RPAP1: variants seen among roughly 807,000 people sequenced by gnomAD.
The protein encoded by RPAP1 is RNA polymerase II-associated protein 1.
In RPAP1, 109 loss-of-function variants were observed where a neutral mutation model predicts 142.4. That is an observed-to-expected ratio of 0.77 (90% confidence interval 0.66 to 0.90). RPAP1 has a LOEUF of 0.90. Ranked by LOEUF, RPAP1 falls within the 40% of genes least tolerant of loss-of-function variation. RPAP1 has a pLI of 0.00. For missense variants in RPAP1, 1,546 were observed against 1,751.7 expected, an observed-to-expected ratio of 0.88 and a Z score of 2.10; for synonymous variants, 704 against 738.9, an observed-to-expected ratio of 0.95 and a Z score of 0.77.
At chr15:41,529,333 C>CA in intron 9 of RPAP1, 137 bp downstream of exon 9, 1 of 635,896 alleles carries the variant, frequency 1.6e-6, no homozygotes, top group Non-Finnish European at 2.8e-6. Flanking sequence ...ATTCTGTCTC[C>CA]AAAAAAAGAA....
Position 41,518,047 on chromosome 15 carries a change from G to A in RPAP1, c.3931C>T (p.His1311Tyr), listed in dbSNP as rs2051683430. The A allele has an allele frequency of 1.2e-6, 2 of 1,614,022 alleles. No homozygotes were observed. The highest frequency in any genetic ancestry group is 1.7e-6 in the Non-Finnish European group (2 of 1,179,982). ...TGAGAGAAGATGAAGCTATTGACAT[G>A]AGCCACAGCCACAGCATAGAGCACG... is the stretch of plus-strand genomic sequence containing the variant. The part of the protein sequence containing the change: ...CPVLYAVAVA[H>Y]VNSFIFSQDP... The change falls in exon 23 of 25, where the codon CAT becomes TAT. Residue 1311 changes from histidine to tyrosine, a missense_variant. This residue lies in a region of RPAP1 where 210 missense variants were observed against 248.0 expected (regional missense o/e 0.85). Transcript: ENST00000304330.
At position 41,523,804 on chromosome 15, in the gene RPAP1, G is replaced by T. The variant is rs902170600; in HGVS notation, c.2403C>A (p.Phe801Leu). The T allele has an allele frequency of 1.2e-6, 2 of 1,607,690 alleles. No homozygotes were observed. Among genetic ancestry groups the T allele is most frequent in the African/African-American group, 2.7e-5 (2 of 74,786 alleles). ...TCCAGGCCTGGTAGTAGGCTCCCAG[G>T]AACAACAGGCAGGCAACGGGCACTG... ...VGPVPVACLL[F>L]LGAYYQAWSQ... The change falls in exon 17 of 25, where the codon TTC becomes TTA. Residue 801 changes from phenylalanine to leucine, a missense_variant. This residue lies in a region of RPAP1 where 1,333 missense variants were observed against 1,486.6 expected (regional missense o/e 0.90). Transcript: ENST00000304330.
intron 9 of RPAP1, 113 bp from the exon 10 acceptor site, chr15:41,528,449 T>G: frequency 1.4e-6 from 1 of 734,318 alleles, no homozygotes; most frequent in Non-Finnish European, 2.3e-6. Context: ...CTGCCCTGCT[T>G]TCCATGGAGC....
Position 41,517,546 on chromosome 15 carries a change from G to A in RPAP1, c.4178C>T (p.Thr1393Ile). The A allele has an allele frequency of 6.4e-7, 1 of 1,559,176 alleles. No homozygotes were observed. Among genetic ancestry groups the A allele is most frequent in the Non-Finnish European group, 8.7e-7 (1 of 1,153,530 alleles). The change falls in exon 25 of 25, where the codon ACC (threonine) becomes ATC (isoleucine). Residue 1393 changes from threonine (T) to isoleucine (I), a missense_variant. Around this residue, in one of 3 missense-constraint regions of RPAP1, gnomAD observed 210 missense variants for 248.0 expected, o/e 0.85. Transcript: ENST00000304330. ...STVLQNGVSET is the reference protein window; with the variant it reads ...STVLQNGVSEI ...TTTCCATCTATATCAACTATCCTAG[G>A]TCTCTGATACCCCATTTTGGAGCAC...
chr15:41,521,095 A>ACGACAGCTGGTCAGAGAAGT lies in RPAP1; in HGVS notation c.3071_3090dup (p.Leu1031ThrfsTer8), dbSNP rs2051722380. The ACGACAGCTGGTCAGAGAAGT allele has an allele frequency of 1.3e-6, 2 of 1,523,096 alleles. No homozygotes were observed. The highest frequency in any genetic ancestry group is 1.4e-5 in the African/African-American group (1 of 72,036). The allele number at this position is 1,523,096 out of a possible 1,614,324, so 94.3% of individuals were successfully genotyped here. ...CACCGAGGGACCCTGCTGCTTCCTA[A>ACGACAGCTGGTCAGAGAAGT]CGACAGCTGGTCAGAGAAGTCGGCT... On this transcript the variant is annotated frameshift_variant, in exon 22 of 25. Transcript: ENST00000304330. LOFTEE classifies it high-confidence loss of function.
In RPAP1 at chr15:41,520,429, C is replaced by T. The variant is rs143725774; in HGVS notation, c.3757G>A (p.Val1253Met). ...AGGCTCAGAGCTCGCAAGGCTCCCA[C>T]GTGTTCCCCAAAGAGGGCAAGGCGC... ...TLRLALFGEHVGALRALSLPL... is the reference protein window; with the variant it reads ...TLRLALFGEHMGALRALSLPL... Residue 1253 changes from valine to methionine, a missense_variant, in exon 22 of 25, where the codon GTG becomes ATG. By Grantham distance (21) the Val-to-Met change is conservative (BLOSUM62 1). Coordinates refer to ENST00000304330, the MANE Select transcript of RPAP1 (RefSeq NM_015540.4). 1.7e-5 allele frequency: 28 copies of T among 1,613,728 alleles called. No individual in the cohort carries two copies. The highest frequency in any genetic ancestry group is 1.5e-4 in the African/African-American group (11 of 75,032).
chr15:41,527,091 G>A (rs2051799858), intron 13 of RPAP1, 23 bp from the exon 14 acceptor site: 2 of 1,612,190 alleles, frequency 1.2e-6, no homozygotes, highest in African/African-American at 2.7e-5. Flanking sequence ...GGAGGTAAAA[G>A]GGAGGAAGGG....
rs751992045 is a variant in RPAP1 at position 41,517,671 on chromosome 15, C to T, written c.4053G>A (p.Leu1351=). 5 of 1,612,552 alleles carry T rather than the reference C, an allele frequency of 3.1e-6. No homozygotes were observed. The highest frequency in any genetic ancestry group is 4.2e-6 in the Non-Finnish European group (5 of 1,179,066). Residue 1351 remains leucine (L), a synonymous_variant, in exon 25 of 25, where the codon CTG becomes CTA. Coordinates refer to ENST00000304330, the MANE Select transcript of RPAP1 (RefSeq NM_015540.4). The part of the protein sequence containing the change: ...LADEGLRQHL[L]HYKLPNSTLP... ...GCGTGGAATTGGGAAGCTTATAGTG[C>T]AGGAGGTGCTGCCGGAGACCCTGCA...
In RPAP1 at chr15:41,527,068, C is replaced by T; in HGVS notation, c.1747G>A (p.Val583Ile). Reference sequence around the variant, plus strand: ...TCTATCAGCCGAGGGCACTCCAGGACCTATGGGAGACAGGAGGTAAAAGGG... The same window carrying T: ...TCTATCAGCCGAGGGCACTCCAGGATCTATGGGAGACAGGAGGTAAAAGGG... ...ARHSLESATR[V>I]LECPRLIETI... The change falls in exon 14 of 25, where the codon GTC becomes ATC. Residue 583 changes from valine to isoleucine, a missense_variant and splice_region_variant. Transcript: ENST00000304330. 2 of 1,613,664 alleles carry T rather than the reference C, an allele frequency of 1.2e-6. No individual in the cohort carries two copies. The highest frequency in any genetic ancestry group is 1.7e-6 in the Non-Finnish European group (2 of 1,179,636).
chr15:41,539,504 G>C (rs2051949540), intron 1 of RPAP1, among the ~76,000 whole-genome samples: 1 of 151,854 alleles, frequency 6.6e-6, no homozygotes, highest in South Asian at 2.1e-4. Context: ...CACCATGTTG[G>C]TCAGGCTGAT....
Position 41,534,797 on chromosome 15 carries a change from A to T in RPAP1, c.680T>A (p.Ile227Asn). ...DQEAEQEAQT[I>N]HEENIARLQA... is the part of the protein sequence containing the mutation. ...CAGTCTTGCTATGTTCTCTTCATGG[A>T]TAGTCTGGGCTTCCTGCTCAGCTTC... The change falls in exon 6 of 25, where the codon ATC (isoleucine) becomes AAC (asparagine). Residue 227 changes from isoleucine (I) to asparagine (N), a missense_variant. This residue lies in a region of RPAP1 where 1,333 missense variants were observed against 1,486.6 expected (regional missense o/e 0.90). Coordinates refer to ENST00000304330, the MANE Select transcript of RPAP1 (RefSeq NM_015540.4). 6.2e-7 allele frequency: 1 copy of T among 1,613,912 alleles called. No individual in the cohort carries two copies.
Position 41,517,521 on chromosome 15 carries a change from T to C in RPAP1, c.*21A>G. The C allele has an allele frequency of 6.6e-7, 1 of 1,526,584 alleles. No individual in the cohort carries two copies. The highest frequency in any genetic ancestry group is 1.3e-5 in the South Asian group (1 of 77,586). 94.6% of individuals were successfully genotyped at this position (1,526,584 alleles called of 1,614,324 possible). On this transcript the variant is annotated 3_prime_UTR_variant, in exon 25 of 25. Transcript: ENST00000304330. ...CTGGATACAGGACAACGTACCCATC[T>C]TTCCATCTATATCAACTATCCTAGG...
chr15:41,541,644 G>A (rs1006127468), intron 1 of RPAP1, among the ~76,000 whole-genome samples: 1 of 152,140 alleles, frequency 6.6e-6, no homozygotes, highest in South Asian at 2.1e-4. Flanking sequence ...TCAGAAGATC[G>A]AGACCATCCT....
At chr15:41,521,277 C>G in intron 21 of RPAP1, 130 bp from the exon 22 acceptor site, 1 of 884,156 alleles carries the variant, frequency 1.1e-6, no homozygotes, top group Non-Finnish European at 1.7e-6. Context: ...AACTACTTCC[C>G]GCGCAGTGCT....
intron 6 of RPAP1, among the ~76,000 whole-genome samples, chr15:41,534,216 G>A (rs1367018457): frequency 3.3e-5 from 5 of 151,882 alleles, no homozygotes; most frequent in African/African-American, 9.7e-5. Flanking sequence ...TTGGGAGTTC[G>A]AGACCAGCCT....
intron 1 of RPAP1, among the ~76,000 whole-genome samples, chr15:41,540,831 C>A (rs112969411): frequency 6.6e-6 from 1 of 152,062 alleles, no homozygotes; most frequent in African/African-American, 2.4e-5. Flanking sequence ...TCCTGAAGAG[C>A]AAAGGCTGCA....
chr15:41,536,169 A>G lies in RPAP1; in HGVS notation c.380T>C (p.Val127Ala), dbSNP rs1474959975. 3.1e-6 allele frequency: 5 copies of G among 1,614,066 alleles called. No homozygotes were observed. Among genetic ancestry groups the G allele is most frequent in the African/African-American group, 1.3e-5 (1 of 74,926 alleles). Residue 127 changes from valine (V) to alanine (A), a missense_variant, in exon 4 of 25, where the codon GTT (valine) becomes GCT (alanine). Val to Ala is a moderately conservative substitution (Grantham distance 64, BLOSUM62 0). Around this residue, in one of 3 missense-constraint regions of RPAP1, gnomAD observed 1,333 missense variants for 1,486.6 expected, o/e 0.90. Transcript: ENST00000304330. ...GCGAAGGAACACAGCAGGGAAAGCAACACCACTGGGCACAGGCAGATTCAC... is the reference window on the plus strand; with the variant it reads ...GCGAAGGAACACAGCAGGGAAAGCAGCACCACTGGGCACAGGCAGATTCAC... ...VAVNLPVPSG[V>A]AFPAVFLRSR... is the part of the protein sequence containing the mutation.
In RPAP1 at chr15:41,520,684, C is replaced by T. The variant is rs1259315681; in HGVS notation, c.3502G>A (p.Glu1168Lys). Reference protein sequence around the residue: ...RLMCVFLVDSELFRESPVQHL... With the variant: ...RLMCVFLVDSKLFRESPVQHL... ...TGTACTGGGGACTCCCGGAACAGCT[C>T]ACTGTCCACCAGGAACACACACATG... Residue 1168 changes from glutamate to lysine, a missense_variant, in exon 22 of 25, where the codon GAG (glutamate) becomes AAG (lysine). This residue lies in a region of RPAP1 where 1,333 missense variants were observed against 1,486.6 expected (regional missense o/e 0.90). Coordinates refer to ENST00000304330, the MANE Select transcript of RPAP1 (RefSeq NM_015540.4). 6.8e-6 allele frequency: 11 copies of T among 1,614,024 alleles called. No homozygotes were observed. Among genetic ancestry groups the T allele is most frequent in the Non-Finnish European group, 9.3e-6 (11 of 1,180,044 alleles).
At chr15:41,529,625 C>A (rs1566887093) in intron 8 of RPAP1, 57 bp from the exon 9 acceptor site, 1 of 1,229,740 alleles carries the variant, frequency 8.1e-7, no homozygotes, top group South Asian at 1.3e-5. Context: ...TTCCCACACC[C>A]ACTCCCCACC....
Sources: allele counts gnomAD v4.1 joint callset (sites outside exome capture counted in the v4.1 genomes callset), GRCh38; gene constraint gnomAD v4.1.1; regional missense constraint gnomAD v4.1.1; transcripts MANE v1.5; gene names NCBI Gene and HGNC (gene_info 2026-07-23, HGNC 2026-07-21).